Variants in LUZP2 observed in about 807,000 individuals in gnomAD.
LUZP2 encodes leucine zipper protein 2.
Under a neutral mutation model 51.6 loss-of-function variants are expected in LUZP2, and 52 were observed. The observed-to-expected ratio is 1.01, with a 90% CI of 0.81 to 1.27. The LOEUF (loss-of-function observed/expected upper bound fraction) is 1.27. Among genes scored for constraint, LUZP2 ranks in the 50% most tolerant of loss-of-function variants. The probability of loss-of-function intolerance (pLI) is 0.00; values close to 1 mark genes in which losing one functional copy is unlikely to be tolerated. For synonymous variants in LUZP2, 154 were observed against 137.3 expected (o/e 1.12, Z -0.85); for missense variants, 436 against 395.4 (o/e 1.10, Z -0.87).
At chr11:24,977,790 T>C in intron 8 of LUZP2, among the ~76,000 whole-genome samples, 1 of 151,688 alleles carries the variant, frequency 6.6e-6, no homozygotes, top group East Asian at 1.9e-4. Flanking sequence ...AACAAGTATA[T>C]ATGTATTTTA....
chr11:24,787,529 T>G (rs552456801), intron 5 of LUZP2, among the ~76,000 whole-genome samples: 1 of 152,282 alleles, frequency 6.6e-6, no homozygotes, highest in South Asian at 2.1e-4. Context: ...TTGTTTTTCA[T>G]TTATACCTAG....
intron 1 of LUZP2, among the ~76,000 whole-genome samples, chr11:24,550,213 A>G (rs1465012641): frequency 6.6e-6 from 1 of 152,096 alleles, no homozygotes; most frequent in African/African-American, 2.4e-5. Flanking sequence ...AGTGTGTTAG[A>G]AATATTTTAA....
At chr11:24,935,536 G>A (rs1752039971) in intron 7 of LUZP2, among the ~76,000 whole-genome samples, 1 of 152,012 alleles carries the variant, frequency 6.6e-6, no homozygotes, top group Non-Finnish European at 1.5e-5. Flanking sequence ...ATGGATTTTT[G>A]TAAAATTGCA....
At chr11:24,498,256 T>C (rs1307514830) in intron 1 of LUZP2, among the ~76,000 whole-genome samples, 1 of 152,194 alleles carries the variant, frequency 6.6e-6, no homozygotes, top group Non-Finnish European at 1.5e-5. Context: ...TGAAGATCCT[T>C]TCAAGTCTAC....
chr11:24,974,287 T>C (rs1238554074), intron 7 of LUZP2, among the ~76,000 whole-genome samples: 2 of 152,116 alleles, frequency 1.3e-5, no homozygotes, highest in East Asian at 3.9e-4. Flanking sequence ...ATTTGCTTGG[T>C]AAATTTTCCT....
chr11:24,701,786 C>T (rs932458802), intron 1 of LUZP2, among the ~76,000 whole-genome samples: 1 of 152,074 alleles, frequency 6.6e-6, no homozygotes, highest in Non-Finnish European at 1.5e-5. Flanking sequence ...AGAAAAAACT[C>T]CCATAATATT....
At chr11:24,688,075 C>T (rs570051948) in intron 1 of LUZP2, among the ~76,000 whole-genome samples, 100 of 152,186 alleles carry the variant, frequency 6.6e-4, no homozygotes, top group African/African-American at 2.3e-3. Context: ...GAGCTAGTCA[C>T]TGGTCAAGGT....
In LUZP2 at chr11:25,030,912, ATTGTAT is replaced by A. The variant is rs1159697284; in HGVS notation, c.766-19124_766-19119del. 7.3e-3 allele frequency among the ~76,000 whole-genome samples: 133 copies of A among 18,274 alleles called. 9 individuals are homozygous for A. Among genetic ancestry groups the A allele is most frequent in the African/African-American group, 0.045 (126 of 2,800 alleles). 12.0% of individuals were successfully genotyped at this position (18,274 alleles called of 152,430 possible). A position where few individuals can be genotyped will look rare whatever the true frequency, so the allele number is the denominator to read the frequency against. ...TATATTATATATATATATAATATAT[ATTGTAT>A]TATATATATATAATATATATTATAT... is the stretch of plus-strand genomic sequence containing the variant. On this transcript the variant is annotated intron_variant, in intron 9 of 11. Coordinates refer to ENST00000336930, the MANE Select transcript of LUZP2 (RefSeq NM_001009909.4).
chr11:24,514,049 C>A (rs961591342), intron 1 of LUZP2, among the ~76,000 whole-genome samples: 1 of 152,100 alleles, frequency 6.6e-6, no homozygotes, highest in Non-Finnish European at 1.5e-5. Context: ...ACAAGCAGAC[C>A]TCTGGAAAAT....
At chr11:24,609,653 C>T (rs1447598991) in intron 1 of LUZP2, among the ~76,000 whole-genome samples, 1 of 129,568 alleles carries the variant, frequency 7.7e-6, no homozygotes, top group African/African-American at 2.9e-5. Context: ...TCACTTTAAC[C>T]CTGGGGGCGG....
intron 1 of LUZP2, among the ~76,000 whole-genome samples, chr11:24,518,395 G>T (rs1212574153): frequency 6.6e-6 from 1 of 151,930 alleles, no homozygotes; most frequent in Non-Finnish European, 1.5e-5. Flanking sequence ...TTTTCCCCTT[G>T]TAACATTGTA....
chr11:24,549,638 C>T (rs1851666098), intron 1 of LUZP2, among the ~76,000 whole-genome samples: 1 of 152,032 alleles, frequency 6.6e-6, no homozygotes, highest in Non-Finnish European at 1.5e-5. Flanking sequence ...TAATGTGTTA[C>T]ACCATGAAGT....
chr11:24,852,737 T>C (rs943204276), intron 5 of LUZP2, among the ~76,000 whole-genome samples: 5 of 152,210 alleles, frequency 3.3e-5, no homozygotes, highest in African/African-American at 1.2e-4. Context: ...AAGAACTTGC[T>C]TTATGAATTT....
intron 1 of LUZP2, among the ~76,000 whole-genome samples, chr11:24,497,717 C>G (rs1027949616): frequency 3.3e-5 from 5 of 152,164 alleles, no homozygotes; most frequent in African/African-American, 1.2e-4. Flanking sequence ...TCCCTTCCCC[C>G]AAGTGTGCCT....
chr11:24,933,095 C>T (rs914702908), intron 7 of LUZP2, among the ~76,000 whole-genome samples: 1 of 152,178 alleles, frequency 6.6e-6, no homozygotes, highest in African/African-American at 2.4e-5. Context: ...GTTCAGCTTC[C>T]CCAGTGAGGA....
intron 5 of LUZP2, among the ~76,000 whole-genome samples, chr11:24,810,676 A>G (rs1478694756): frequency 6.6e-6 from 1 of 152,196 alleles, no homozygotes; most frequent in Non-Finnish European, 1.5e-5. Context: ...GGTATGGACA[A>G]AAATAAAGCA....
chr11:24,741,031 C>G (rs2631427), intron 4 of LUZP2, among the ~76,000 whole-genome samples: 75,758 of 151,802 alleles, frequency 0.5, 19,359 homozygotes, highest in East Asian at 0.59. Context: ...GAATTATCAG[C>G]GATGACAGAA....
intron 5 of LUZP2, among the ~76,000 whole-genome samples, chr11:24,796,888 G>A (rs965953552): frequency 3.3e-5 from 5 of 152,082 alleles, no homozygotes; most frequent in African/African-American, 9.7e-5. Flanking sequence ...CTCTGCATAT[G>A]CATGTTTTAT....
At chr11:24,910,825 C>A (rs1487408851) in intron 6 of LUZP2, among the ~76,000 whole-genome samples, 1 of 152,260 alleles carries the variant, frequency 6.6e-6, no homozygotes, top group African/African-American at 2.4e-5. Flanking sequence ...AGAGAGCCAC[C>A]GTCCTCCAGA....
Sources: gnomAD v4.1 joint callset for allele counts (sites outside exome capture counted in the v4.1 genomes callset) on GRCh38, gnomAD v4.1.1 for gene constraint, MANE v1.5 for transcripts, NCBI Gene and HGNC (gene_info 2026-07-23, HGNC 2026-07-21) for gene names.